LRMDA: variants seen among roughly 807,000 people sequenced by gnomAD.
LRMDA encodes leucine-rich melanocyte differentiation-associated protein.
A neutral mutation model predicts 29.8 loss-of-function variants in LRMDA; 18 were observed. The observed-to-expected ratio is 0.60, with a 90% CI of 0.42 to 0.90. The LOEUF is 0.90. LRMDA is among the 40% of genes least tolerant of loss of function. LRMDA has a pLI of 0.00. For missense variants in LRMDA, 273 were observed against 273.9 expected, an observed-to-expected ratio of 1.00 and a Z score of 0.02; for synonymous variants, 125 against 109.4, an observed-to-expected ratio of 1.14 and a Z score of -0.89.
In LRMDA at chr10:76,015,735, T is replaced by C. The variant is rs543356348; in HGVS notation, c.132-20273T>C. Among the ~76,000 whole-genome samples, 4 of 152,350 alleles carry C rather than the reference T, an allele frequency of 2.6e-5. No individual in the cohort carries two copies. The South Asian group carries it at 8.3e-4, about 32-fold the overall frequency. On this transcript the variant is annotated intron_variant, in intron 2 of 6. Coordinates refer to ENST00000611255, the MANE Select transcript of LRMDA (RefSeq NM_001305581.2). ...AGCTATCAATCTGAACATGCCACTA[T>C]GCTGGTATCATTTAATAATGAGGTA... is the stretch of plus-strand genomic sequence containing the variant.
chr10:75,712,113 T>C (rs959315916), intron 2 of LRMDA, among the ~76,000 whole-genome samples: 1 of 152,106 alleles, frequency 6.6e-6, no homozygotes, highest in African/African-American at 2.4e-5. Flanking sequence ...TGCTACATTT[T>C]CTCCCTGTGA....
intron 2 of LRMDA, among the ~76,000 whole-genome samples, chr10:75,464,017 G>A (rs548249165): frequency 3.3e-5 from 5 of 151,698 alleles, no homozygotes; most frequent in African/African-American, 1.2e-4. Context: ...GGCAAGGCTG[G>A]TCTCGAACTC....
intron 2 of LRMDA, among the ~76,000 whole-genome samples, chr10:76,018,171 T>C (rs931516564): frequency 6.6e-6 from 1 of 152,138 alleles, no homozygotes; most frequent in Non-Finnish European, 1.5e-5. Context: ...AGAGCAAAAG[T>C]CTTATCCTCG....
intron 2 of LRMDA, among the ~76,000 whole-genome samples, chr10:75,533,169 C>T (rs1010899380): frequency 6.6e-6 from 1 of 152,136 alleles, no homozygotes; most frequent in Non-Finnish European, 1.5e-5. Flanking sequence ...GAATATTCTG[C>T]GTTCTTTCAA....
intron 2 of LRMDA, among the ~76,000 whole-genome samples, chr10:75,958,013 A>G (rs903540054): frequency 5.3e-5 from 8 of 152,338 alleles, no homozygotes; most frequent in East Asian, 3.9e-4. Flanking sequence ...GGGCTTGTGC[A>G]GAGGGCAAAA....
intron 2 of LRMDA, among the ~76,000 whole-genome samples, chr10:75,560,557 C>T (rs1395874211): frequency 3.3e-5 from 5 of 151,748 alleles, no homozygotes; most frequent in African/African-American, 1.2e-4. Context: ...CTGGTCAGAA[C>T]TTCCAACACT....
intron 6 of LRMDA, among the ~76,000 whole-genome samples, chr10:76,459,104 A>G (rs1188498994): frequency 6.6e-6 from 1 of 152,158 alleles, no homozygotes; most frequent in Non-Finnish European, 1.5e-5. Flanking sequence ...TCCCCTGCTC[A>G]AAGCTTGTCT....
chr10:75,904,378 A>G (rs1845724999), intron 2 of LRMDA, among the ~76,000 whole-genome samples: 1 of 152,142 alleles, frequency 6.6e-6, no homozygotes, highest in Admixed American at 6.5e-5. Flanking sequence ...CCTGTAGTGA[A>G]AGCAAGGTCC....
intron 6 of LRMDA, among the ~76,000 whole-genome samples, chr10:76,468,577 T>G (rs1842586913): frequency 6.6e-6 from 1 of 152,230 alleles, no homozygotes; most frequent in Non-Finnish European, 1.5e-5. Context: ...AAAACATTTT[T>G]TTCACATGAG....
intron 2 of LRMDA, among the ~76,000 whole-genome samples, chr10:75,442,098 A>C (rs1443695941): frequency 1.3e-5 from 2 of 152,230 alleles, no homozygotes; most frequent in African/African-American, 4.8e-5. Flanking sequence ...CCATGCATAT[A>C]CTAACATATG....
intron 1 of LRMDA, among the ~76,000 whole-genome samples, chr10:75,432,435 AC>A (rs1229725548): frequency 1.3e-5 from 2 of 152,198 alleles, no homozygotes; most frequent in Non-Finnish European, 2.9e-5. Flanking sequence ...ACCCAGTCTC[AC>A]ATGCTTTGAG....
At chr10:76,418,022 A>G (rs1389330145) in intron 6 of LRMDA, among the ~76,000 whole-genome samples, 1 of 152,130 alleles carries the variant, frequency 6.6e-6, no homozygotes, top group Non-Finnish European at 1.5e-5. Flanking sequence ...TTCTGGGTCA[A>G]TGCCCTTATC....
intron 2 of LRMDA, chr10:75,451,532 G>A (rs564210278): frequency 6.6e-6 from 1 of 152,314 alleles, no homozygotes; most frequent in Admixed American, 6.5e-5. Context: ...AAATAAATGA[G>A]AGGGGAGAAA....
intron 2 of LRMDA, among the ~76,000 whole-genome samples, chr10:75,802,659 CA>C (rs938124727): frequency 3.3e-5 from 5 of 150,328 alleles, no homozygotes; most frequent in African/African-American, 1.2e-4. Context: ...GAAGATTAAA[CA>C]AACACTATCG....
chr10:75,588,027 C>T (rs973425367), intron 2 of LRMDA, among the ~76,000 whole-genome samples: 3 of 152,180 alleles, frequency 2.0e-5, no homozygotes, highest in African/African-American at 7.2e-5. Context: ...ATAAAGGATT[C>T]TTGCTTATAT....
At chr10:76,356,758 A>T (rs887071964) in intron 6 of LRMDA, among the ~76,000 whole-genome samples, 8 of 152,092 alleles carry the variant, frequency 5.3e-5, no homozygotes, top group African/African-American at 1.9e-4. Context: ...GTTTTTTATC[A>T]TCTTATGTTT....
At chr10:76,397,033 C>T (rs986186835) in intron 6 of LRMDA, among the ~76,000 whole-genome samples, 3 of 152,126 alleles carry the variant, frequency 2.0e-5, no homozygotes, top group African/African-American at 7.2e-5. Context: ...AGATTGAAAC[C>T]CCTTTTCTTA....
In LRMDA at chr10:75,689,468, G is replaced by A. The variant is rs555825708; in HGVS notation, c.131+250974G>A. ...CCTGCTATTGAATCTACATGCATGT[G>A]AGTCGTAAGGGGATCCCTGAAATAC... On this transcript the variant is annotated intron_variant, in intron 2 of 6. Transcript: ENST00000611255. 2.2e-3 allele frequency among the ~76,000 whole-genome samples: 335 copies of A among 152,312 alleles called. 2 individuals carry two copies. The highest frequency in any genetic ancestry group is 6.0e-3 in the African/African-American group (249 of 41,570).
At chr10:76,054,553 C>T (rs1848579487) in intron 4 of LRMDA, among the ~76,000 whole-genome samples, 1 of 151,718 alleles carries the variant, frequency 6.6e-6, no homozygotes, top group Non-Finnish European at 1.5e-5. Context: ...TCCTTCACTC[C>T]ATCGTTAAAC....
Sources: allele counts gnomAD v4.1 joint callset (sites outside exome capture counted in the v4.1 genomes callset), GRCh38; gene constraint gnomAD v4.1.1; transcripts MANE v1.5; gene names NCBI Gene and HGNC (gene_info 2026-07-23, HGNC 2026-07-21).